Variants in TTC3 observed in about 807,000 individuals in gnomAD.
TTC3 encodes the protein tetratricopeptide repeat domain 3.
A neutral mutation model predicts 249.6 loss-of-function variants in TTC3; 180 were observed. That is an observed-to-expected ratio of 0.72 (90% CI 0.64 to 0.82). The LOEUF is 0.82. TTC3 is among the 40% of genes least tolerant of loss of function. The pLI is 0.00. For synonymous variants in TTC3, 717 were observed against 805.0 expected (o/e 0.89, Z 1.85); for missense variants, 2,061 against 2,398.4 (o/e 0.86, Z 2.94).
chr21:37,134,751 T>C (rs1462092443), intron 17 of TTC3, among the ~76,000 whole-genome samples: 1 of 152,158 alleles, frequency 6.6e-6, no homozygotes, highest in African/African-American at 2.4e-5. Context: ...AATTACAAAG[T>C]TTTTCTCACT....
At chr21:37,110,840 GACTA>G (rs2075591779) in intron 11 of TTC3, among the ~76,000 whole-genome samples, 1 of 152,118 alleles carries the variant, frequency 6.6e-6, no homozygotes, top group African/African-American at 2.4e-5. Context: ...AAGCCCATCA[GACTA>G]ACTGCTGATC....
At chr21:37,190,752 C>T (rs1004597185) in intron 39 of TTC3, among the ~76,000 whole-genome samples, 4 of 152,194 alleles carry the variant, frequency 2.6e-5, no homozygotes, top group African/African-American at 9.7e-5. Flanking sequence ...AAAGAATGCT[C>T]TGTTTTTTCT....
intron 44 of TTC3, among the ~76,000 whole-genome samples, chr21:37,198,623 T>C (rs1602211908): frequency 6.6e-6 from 1 of 152,336 alleles, no homozygotes; most frequent in Middle Eastern, 3.4e-3. Context: ...TTGATAACCA[T>C]AGTTTGTTAA....
In TTC3 at chr21:37,201,290, G is replaced by A. The variant is rs192578120; in HGVS notation, c.5944-150G>A. ...GCTTTGTCCACACTCTGGCCTGAGC[G>A]GGTGTTGGTGTCCCTGAGTATTGGG... is the stretch of plus-strand genomic sequence containing the variant. On this transcript the variant is annotated intron_variant, in intron 45 of 45. Coordinates refer to ENST00000355666, the Ensembl canonical transcript of TTC3. 671 of 937,738 alleles carry A rather than the reference G, an allele frequency of 7.2e-4. 3 individuals are homozygous for A. The African/African-American group carries it at 9.9e-3, about 14-fold the overall frequency. 58.1% of individuals were successfully genotyped at this position (937,738 alleles called of 1,614,324 possible).
intron 7 of TTC3, among the ~76,000 whole-genome samples, chr21:37,092,803 A>T (rs181489005): frequency 9.5e-4 from 144 of 151,714 alleles, no homozygotes; most frequent in African/African-American, 3.2e-3. Flanking sequence ...GTTGCAATAA[A>T]TTTTTTTTTG....
chr21:37,158,003 T>G, intron 28 of TTC3: 2 of 366,290 alleles, frequency 5.5e-6, no homozygotes, highest in Non-Finnish European at 7.6e-6. Flanking sequence ...CATTAAAAGG[T>G]CTGGCCTTGT....
At chr21:37,109,924 C>T (rs2075487621) in intron 11 of TTC3, among the ~76,000 whole-genome samples, 1 of 152,190 alleles carries the variant, frequency 6.6e-6, no homozygotes, top group African/African-American at 2.4e-5. Flanking sequence ...GTTCTGCAGC[C>T]ACTGCTGCTG....
In TTC3 at chr21:37,192,491, T is replaced by TTGTGTGTGTGTGTGTGTGTGTG. The variant is rs60538841; in HGVS notation, c.5217+290_5217+311dup. Among the ~76,000 whole-genome samples the TTGTGTGTGTGTGTGTGTGTGTG allele has an allele frequency of 2.4e-3, 339 of 140,666 alleles. 4 individuals are homozygous for TTGTGTGTGTGTGTGTGTGTGTG. Among genetic ancestry groups the TTGTGTGTGTGTGTGTGTGTGTG allele is most frequent in the African/African-American group, 7.2e-3 (266 of 36,854 alleles). The allele number at this position is 140,666 out of a possible 152,430, so 92.3% of individuals were successfully genotyped here. On this transcript the variant is annotated intron_variant, in intron 41 of 45. Transcript: ENST00000355666. ...ATGTTCCTTGGCCTGTCTTCTATCT[T>TTGTGTGTGTGTGTGTGTGTGTG]TGTGTGTGTGTGTGTGTGTGTGTGT...
intron 1 of TTC3, among the ~76,000 whole-genome samples, chr21:37,078,063 G>A (rs1381528766): frequency 6.6e-6 from 1 of 151,468 alleles, no homozygotes; most frequent in Non-Finnish European, 1.5e-5. Flanking sequence ...TTTCTCCTGT[G>A]TGGTTCTAAT....
rs143821482 is a variant in TTC3 at position 37,082,489 on chromosome 21, T to C, written c.-11-4758T>C. On this transcript the variant is annotated intron_variant, in intron 1 of 45. Coordinates refer to ENST00000355666, the Ensembl canonical transcript of TTC3. ...TCTGAAAGCATTTCTATCAGCTTTG[T>C]CTGGGAGCCAGAAAGTTTAGCTGGC... 80 of 985,440 alleles carry C rather than the reference T, an allele frequency of 8.1e-5. No homozygotes were observed. The African/African-American group carries it at 1.3e-3, about 16-fold the overall frequency. 61.0% of individuals were successfully genotyped at this position (985,440 alleles called of 1,614,324 possible).
intron 35 of TTC3, among the ~76,000 whole-genome samples, chr21:37,181,555 G>T (rs963173277): frequency 3.3e-5 from 5 of 152,250 alleles, no homozygotes; most frequent in Admixed American, 1.3e-4. Context: ...CTAAGAAGAT[G>T]TGGGAAGAAC....
At chr21:37,121,272 G>T (rs1225317458) in intron 11 of TTC3, 1 of 152,222 alleles carries the variant, frequency 6.6e-6, no homozygotes, top group African/African-American at 2.4e-5. Context: ...ATGAAAAGCT[G>T]AGTGAAGGGG....
intron 11 of TTC3, among the ~76,000 whole-genome samples, chr21:37,114,288 A>T (rs986614225): frequency 6.6e-6 from 1 of 152,136 alleles, no homozygotes; most frequent in African/African-American, 2.4e-5. Flanking sequence ...CAACCTACTC[A>T]TCTGACAAAG....
chr21:37,074,329 TA>T (rs992467957), intron 1 of TTC3, among the ~76,000 whole-genome samples: 8 of 152,192 alleles, frequency 5.3e-5, no homozygotes, highest in Non-Finnish European at 1.0e-4. Context: ...GGAGACAGAA[TA>T]GGGGGATCAA....
chr21:37,165,865 T>C (rs1419676345), exon 33 of TTC3: 7 of 1,614,054 alleles, frequency 4.3e-6, no homozygotes, highest in Non-Finnish European at 4.2e-6. Flanking sequence ...TTAAACCAGA[T>C]GTAAAGTCTA....
intron 9 of TTC3, among the ~76,000 whole-genome samples, chr21:37,095,671 C>G (rs1177352207): frequency 2.0e-5 from 3 of 152,142 alleles, no homozygotes; most frequent in Non-Finnish European, 4.4e-5. Context: ...ATTTTCTGTT[C>G]CATTTTCTTT....
rs550976427 is a variant in TTC3 at position 37,088,069 on chromosome 21, A to C, written c.188-127A>C. On this transcript the variant is annotated intron_variant, in intron 3 of 45. Coordinates refer to ENST00000355666, the Ensembl canonical transcript of TTC3. ...CACTTAAATATTCTTAACATTTAAC[A>C]GGCTAGAATACTTCATTCATTCATT... The C allele has an allele frequency of 1.6e-5, 16 of 984,568 alleles. No individual in the cohort carries two copies. The African/African-American group carries it at 2.3e-4, about 14-fold the overall frequency. 61.0% of individuals were successfully genotyped at this position (984,568 alleles called of 1,614,324 possible).
At chr21:37,105,239 G>A (rs2074962267) in intron 10 of TTC3, among the ~76,000 whole-genome samples, 1 of 152,148 alleles carries the variant, frequency 6.6e-6, no homozygotes, top group African/African-American at 2.4e-5. Flanking sequence ...GCAAGGAAAT[G>A]GAGACAGCTA....
intron 17 of TTC3, among the ~76,000 whole-genome samples, chr21:37,134,373 C>T (rs898262716): frequency 3.9e-5 from 6 of 152,032 alleles, no homozygotes; most frequent in Admixed American, 2.6e-4. Context: ...ATCGCTTGAA[C>T]CCCGAGGTGG....
Sources: allele counts gnomAD v4.1 joint callset (sites outside exome capture counted in the v4.1 genomes callset), GRCh38; gene constraint gnomAD v4.1.1; transcripts MANE v1.5; gene names NCBI Gene and HGNC (gene_info 2026-07-23, HGNC 2026-07-21).